ANGPTL8: variants seen among roughly 807,000 people sequenced by gnomAD.
ANGPTL8 encodes angiopoietin like 8.
A neutral mutation model predicts 22.6 loss-of-function variants in ANGPTL8; 24 were observed. The observed-to-expected ratio is 1.06, with a 90% CI of 0.77 to 1.49. ANGPTL8 has a LOEUF of 1.49. Ranked by LOEUF, ANGPTL8 falls within the 40% of genes most tolerant of loss-of-function variation. ANGPTL8 has a pLI of 0.00. For missense variants in ANGPTL8, 230 were observed against 259.6 expected (o/e 0.89, Z 0.78); for synonymous variants, 88 against 113.4 (o/e 0.78, Z 1.42).
At chr19:11,240,571 C>T (rs1328896428) in intron 2 of ANGPTL8, among the ~76,000 whole-genome samples, 2 of 151,420 alleles carry the variant, frequency 1.3e-5, no homozygotes, top group Non-Finnish European at 2.9e-5. Context: ...ACAGTTGGTG[C>T]TCAATAAATT....
intron 2 of ANGPTL8, among the ~76,000 whole-genome samples, 154 bp downstream of exon 2, chr19:11,240,450 T>C (rs925734949): frequency 3.3e-5 from 5 of 152,186 alleles, no homozygotes; most frequent in Non-Finnish European, 7.3e-5. Context: ...TCCTTTTGTG[T>C]GCCTCAGTTT....
chr19:11,239,710 G>A lies in ANGPTL8; in HGVS notation c.73G>A (p.Gly25Ser). 6.2e-7 allele frequency: 1 copy of A among 1,613,630 alleles called. No homozygotes were observed. The highest frequency in any genetic ancestry group is 1.1e-5 in the South Asian group (1 of 91,060). The change falls in exon 1 of 4, where the codon GGC (glycine) becomes AGC (serine). Residue 25 changes from glycine (G) to serine (S), a missense_variant. Coordinates refer to ENST00000252453, the MANE Select transcript of ANGPTL8 (RefSeq NM_018687.7). ...VTRPASAAPM[G>S]GPELAQHEEL... ...CCGGCCTGCCTCAGCGGCCCCCATG[G>A]GCGGCCCAGAACTGGCACAGCATGA...
At chr19:11,240,770 A>G (rs979599497) in intron 2 of ANGPTL8, among the ~76,000 whole-genome samples, 1 of 151,686 alleles carries the variant, frequency 6.6e-6, no homozygotes, top group Admixed American at 6.6e-5. Flanking sequence ...GGATTTCACC[A>G]TGTTGGCCAG....
chr19:11,240,357 T>G, intron 2 of ANGPTL8, 61 bp downstream of exon 2: 3 of 1,460,732 alleles, frequency 2.1e-6, no homozygotes, highest in Non-Finnish European at 2.7e-6. Flanking sequence ...AACTCGCTTC[T>G]GCACCTTGAG....
rs1205035098 is a variant in ANGPTL8, at chr19:11,241,837, G to A, written c.*150G>A. ...GAGCACAGAGCAGAGACAGACGCAGGCGGGGACAAAGGCAGAGGATGTAGC... is the reference window on the plus strand; with the variant it reads ...GAGCACAGAGCAGAGACAGACGCAGACGGGGACAAAGGCAGAGGATGTAGC... On this transcript the variant is annotated 3_prime_UTR_variant, in exon 4 of 4. Coordinates refer to ENST00000252453, the MANE Select transcript of ANGPTL8 (RefSeq NM_018687.7). 6 of 1,394,606 alleles carry A rather than the reference G, an allele frequency of 4.3e-6. No individual in the cohort carries two copies. In the East Asian group the frequency reaches 1.5e-4, roughly 35 times the overall value. The allele number at this position is 1,394,606 out of a possible 1,614,324, so 86.4% of individuals were successfully genotyped here.
intron 2 of ANGPTL8, among the ~76,000 whole-genome samples, chr19:11,240,938 T>C (rs1363318285): frequency 6.6e-6 from 1 of 151,972 alleles, no homozygotes; most frequent in Non-Finnish European, 1.5e-5. Context: ...AGCACTGTTC[T>C]ATGCCCTTTA....
intron 2 of ANGPTL8, 100 bp from the exon 3 acceptor site, chr19:11,241,345 C>G (rs1363732103): frequency 1.4e-6 from 1 of 735,306 alleles, no homozygotes; most frequent in African/African-American, 1.8e-5. Context: ...GCATTGTTGA[C>G]TTGCTGGGTC....
chr19:11,240,069 G>C (rs890653734), intron 1 of ANGPTL8, 66 bp from the exon 2 acceptor site: 2 of 1,549,154 alleles, frequency 1.3e-6, no homozygotes, highest in African/African-American at 2.7e-5. Context: ...GATAAACTCA[G>C]GCAAGTCCTT....
rs752084449 is a variant in ANGPTL8 at position 11,239,852 on chromosome 19, G to T, written c.215G>T (p.Arg72Leu). Residue 72 changes from arginine (R) to leucine (L), a missense_variant, in exon 1 of 4, where the codon CGC becomes CTC. Arg to Leu is a moderately radical substitution (Grantham distance 102). Transcript: ENST00000252453. ...AGGAACAGCCTGGGTCTCTATGGCCGCACAATAGAACTCCTGGGGCAGGAG... is the reference window on the plus strand; with the variant it reads ...AGGAACAGCCTGGGTCTCTATGGCCTCACAATAGAACTCCTGGGGCAGGAG... ...KARNSLGLYG[R>L]TIELLGQEVS... The T allele has an allele frequency of 6.3e-7, 1 of 1,598,882 alleles. No individual in the cohort carries two copies. The highest frequency in any genetic ancestry group is 8.5e-7 in the Non-Finnish European group (1 of 1,173,038).
At chr19:11,240,440 TCCTTTTGTGTGCCTCAGTTTC>T (rs2079925148) in intron 2 of ANGPTL8, 144 bp downstream of exon 2, 6 of 824,340 alleles carry the variant, frequency 7.3e-6, no homozygotes, top group African/African-American at 1.7e-5. Context: ...AAAACTCAAG[TCCTTTTGTGTGCCTCAGTTTC>T]CCTTTTGTGT....
At position 11,239,728 on chromosome 19, in the gene ANGPTL8, C is replaced by T; in HGVS notation, c.91C>T (p.Gln31Ter). The change falls in exon 1 of 4, where the codon CAG (glutamine) becomes TAG (stop). Residue 31 changes from glutamine (Q) to a stop codon, truncating the protein, a stop_gained. Coordinates refer to ENST00000252453, the MANE Select transcript of ANGPTL8 (RefSeq NM_018687.7). LOFTEE classifies it high-confidence loss of function. ...AAPMGGPELA[Q>*]HEELTLLFHG... is the part of the protein sequence containing the mutation. The stretch of plus-strand genomic sequence containing the variant: ...CCCCATGGGCGGCCCAGAACTGGCA[C>T]AGCATGAGGAGCTGACCCTGCTCTT... The T allele has an allele frequency of 1.9e-6, 3 of 1,613,406 alleles. No homozygotes were observed. Among genetic ancestry groups the T allele is most frequent in the Non-Finnish European group, 2.5e-6 (3 of 1,179,752 alleles).
chr19:11,240,582 CTTTTTTT>C, intron 2 of ANGPTL8, among the ~76,000 whole-genome samples: 1 of 136,354 alleles, frequency 7.3e-6, no homozygotes, highest in East Asian at 2.1e-4. Context: ...TCAATAAATT[CTTTTTTT>C]TTTTTTTTTT....
At chr19:11,241,594 G>A (rs1308362687) in intron 3 of ANGPTL8, 40 bp downstream of exon 3, 4 of 1,556,090 alleles carry the variant, frequency 2.6e-6, no homozygotes, top group Admixed American at 3.9e-5. Context: ...GCAGTTGGAT[G>A]GGGGGCGCAC....
At chr19:11,240,806 G>A (rs577232506) in intron 2 of ANGPTL8, among the ~76,000 whole-genome samples, 2 of 151,848 alleles carry the variant, frequency 1.3e-5, no homozygotes, top group East Asian at 3.9e-4. Flanking sequence ...CTGACCTCAA[G>A]GGATCTGCCT....
intron 1 of ANGPTL8, 27 bp from the exon 2 acceptor site, chr19:11,240,108 A>C: frequency 6.4e-7 from 1 of 1,551,394 alleles, no homozygotes; most frequent in Middle Eastern, 1.7e-4. Context: ...TGGACATCCT[A>C]CTAGTGACCC....
chr19:11,240,068 A>C (rs1051052110), intron 1 of ANGPTL8, 67 bp from the exon 2 acceptor site: 5 of 1,548,818 alleles, frequency 3.2e-6, no homozygotes, highest in African/African-American at 1.4e-5. Flanking sequence ...CGATAAACTC[A>C]GGCAAGTCCT....
Position 11,239,628 on chromosome 19 carries a change from A to G in ANGPTL8, c.-10A>G. The G allele has an allele frequency of 1.2e-6, 2 of 1,613,538 alleles. No homozygotes were observed. Among genetic ancestry groups the G allele is most frequent in the Non-Finnish European group, 1.7e-6 (2 of 1,179,824 alleles). Reference sequence around the variant, plus strand: ...TGACAGTGCTGTGGCTATACCTTAGACCCTCAGTCATGCCAGTGCCTGCTC... The same window carrying G: ...TGACAGTGCTGTGGCTATACCTTAGGCCCTCAGTCATGCCAGTGCCTGCTC... On this transcript the variant is annotated 5_prime_UTR_variant, in exon 1 of 4. Coordinates refer to ENST00000252453, the MANE Select transcript of ANGPTL8 (RefSeq NM_018687.7).
Position 11,241,810 on chromosome 19 carries a change from C to G in ANGPTL8, c.*123C>G. The G allele has an allele frequency of 6.1e-6, 9 of 1,474,468 alleles. 1 individual carries two copies. The South Asian group carries it at 1.1e-4, about 18-fold the overall frequency. 91.3% of individuals were successfully genotyped at this position (1,474,468 alleles called of 1,614,324 possible). A position where few individuals can be genotyped will look rare whatever the true frequency, so the allele number is the denominator to read the frequency against. On this transcript the variant is annotated 3_prime_UTR_variant, in exon 4 of 4. Transcript: ENST00000252453. ...TCAGCCAGGGCGCCGGGCCCCACTT[C>G]TGAGCACAGAGCAGAGACAGACGCA...
At chr19:11,240,082 G>T in intron 1 of ANGPTL8, 53 bp from the exon 2 acceptor site, 2 of 1,550,232 alleles carry the variant, frequency 1.3e-6, no homozygotes, top group Non-Finnish European at 1.7e-6. Context: ...AAGTCCTTAG[G>T]TACACAAAGA....
Sources: allele counts gnomAD v4.1 joint callset (sites outside exome capture counted in the v4.1 genomes callset), GRCh38; gene constraint gnomAD v4.1.1; transcripts MANE v1.5; gene names NCBI Gene and HGNC (gene_info 2026-07-23, HGNC 2026-07-21).